USP28: variants seen among roughly 807,000 people sequenced by gnomAD.
USP28 encodes ubiquitin carboxyl-terminal hydrolase 28.
A neutral mutation model predicts 145.0 loss-of-function variants in USP28; 113 were observed. The observed-to-expected ratio is 0.78, with a 90% CI of 0.67 to 0.91. USP28 has a LOEUF of 0.91. Ranked by LOEUF, USP28 falls within the 40% of genes least tolerant of loss-of-function variation. The pLI, the probability that USP28 is intolerant of heterozygous loss-of-function variation, is 0.00. For missense variants in USP28, 1,201 were observed against 1,289.6 expected, an observed-to-expected ratio of 0.93 and a Z score of 1.05; for synonymous variants, 447 against 450.9, an observed-to-expected ratio of 0.99 and a Z score of 0.11.
Position 113,840,602 on chromosome 11 carries a change from A to G in USP28, c.530T>C (p.Ile177Thr), listed in dbSNP as rs146991041. Residue 177 changes from isoleucine (I) to threonine (T), a missense_variant, in exon 5 of 25, where the codon ATT becomes ACT. Coordinates refer to ENST00000003302, the Ensembl canonical transcript of USP28. ...TATCTCTTAAAAATATCATACCTGA[A>G]TAACAGCACTAAACCAACATGTATT... is the stretch of plus-strand genomic sequence containing the variant. 465 of 1,613,130 alleles carry G rather than the reference A, an allele frequency of 2.9e-4. 3 individuals are homozygous for G. Among genetic ancestry groups the G allele is most frequent in the Middle Eastern group, 1.2e-3 (7 of 6,082 alleles).
chr11:113,829,477 T>TA (rs1943738555), intron 9 of USP28, 132 bp from the exon 10 acceptor site: 1 of 1,055,792 alleles, frequency 9.5e-7, no homozygotes, highest in Non-Finnish European at 1.4e-6. Context: ...CTTACGCCTT[T>TA]ATAGCAACCT....
intron 12 of USP28, among the ~76,000 whole-genome samples, chr11:113,819,181 C>T (rs962315975): frequency 6.6e-6 from 1 of 150,996 alleles, no homozygotes; most frequent in Non-Finnish European, 1.5e-5. Context: ...GGCACGATCT[C>T]GGCTTACTGC....
chr11:113,865,357 AC>A (rs1385749707), intron 1 of USP28, among the ~76,000 whole-genome samples: 11 of 152,208 alleles, frequency 7.2e-5, no homozygotes, highest in Non-Finnish European at 1.3e-4. Context: ...TCAAATTCAC[AC>A]AGAATTTCAA....
chr11:113,807,134 G>A (rs188530177), intron 18 of USP28, among the ~76,000 whole-genome samples: 5 of 151,712 alleles, frequency 3.3e-5, no homozygotes, highest in Non-Finnish European at 5.9e-5. Flanking sequence ...GTGCAATGGC[G>A]TGATCTCAGC....
chr11:113,804,587 AG>A (rs1939604913), intron 21 of USP28, 85 bp downstream of exon 22: 2 of 1,207,596 alleles, frequency 1.7e-6, no homozygotes, highest in Admixed American at 2.1e-5. Flanking sequence ...AGTTTGTAAT[AG>A]CACAAAATTG....
At chr11:113,873,820 G>T (rs1949057626) in intron 1 of USP28, among the ~76,000 whole-genome samples, 1 of 152,134 alleles carries the variant, frequency 6.6e-6, no homozygotes, top group African/African-American at 2.4e-5. Context: ...CCCAGGACCT[G>T]GAAGTATCTT....
In USP28 at chr11:113,814,001, T is replaced by C. The variant is rs189369240; in HGVS notation, c.1673-46A>G. 186 of 1,430,808 alleles carry C rather than the reference T, an allele frequency of 1.3e-4. No homozygotes were observed. The African/African-American group carries it at 2.3e-3, about 17-fold the overall frequency. 88.6% of individuals were successfully genotyped at this position (1,430,808 alleles called of 1,614,324 possible). A position where few individuals can be genotyped will look rare whatever the true frequency, so the allele number is the denominator to read the frequency against. ...AAAAGCTTCACTAAAATGATCTCAT[T>C]CTATGTCACACAGGCTACTTTAACT... On this transcript the variant is annotated intron_variant, in intron 14 of 24. Coordinates refer to ENST00000003302, the Ensembl canonical transcript of USP28.
At chr11:113,854,838 T>C (rs1001150468) in intron 1 of USP28, among the ~76,000 whole-genome samples, 5 of 152,196 alleles carry the variant, frequency 3.3e-5, no homozygotes, top group Non-Finnish European at 7.3e-5. Flanking sequence ...ACGAAAGAAA[T>C]AGATGACAGT....
intron 17 of USP28, 77 bp downstream of exon 17, chr11:113,808,986 T>A: frequency 7.1e-6 from 10 of 1,412,220 alleles, no homozygotes; most frequent in Non-Finnish European, 9.7e-6. Context: ...CCTAGCCAGC[T>A]GAAGGGTATA....
At chr11:113,807,911 A>C in intron 18 of USP28, 40 bp downstream of exon 19, 1 of 997,166 alleles carries the variant, frequency 1.0e-6, no homozygotes, top group Non-Finnish European at 1.2e-6. Flanking sequence ...GAAATATAAG[A>C]CTGACAACAA....
chr11:113,853,301 CAAAAAAAAAAAA>C (rs35806711), intron 2 of USP28, among the ~76,000 whole-genome samples: 5 of 54,946 alleles, frequency 9.1e-5, no homozygotes, highest in Admixed American at 3.0e-4. Flanking sequence ...TCTCCTGTCT[CAAAAAAAAAAAA>C]AAAAAAAAAA....
At chr11:113,818,614 T>C (rs1249315091) in intron 12 of USP28, among the ~76,000 whole-genome samples, 1 of 152,164 alleles carries the variant, frequency 6.6e-6, no homozygotes, top group Non-Finnish European at 1.5e-5. Flanking sequence ...ATCCCAGTAC[T>C]TGGGGAGGCC....
chr11:113,826,689 G>T (rs1035467709), intron 11 of USP28, among the ~76,000 whole-genome samples: 1 of 151,956 alleles, frequency 6.6e-6, no homozygotes, highest in Non-Finnish European at 1.5e-5. Flanking sequence ...GGAGGCCAAG[G>T]CAGGCGGATC....
chr11:113,806,625 AG>A lies in USP28; in HGVS notation c.2305-42del, dbSNP rs1940018081. 2.9e-6 allele frequency: 4 copies of A among 1,398,760 alleles called. No homozygotes were observed. The Admixed American group carries it at 9.0e-5, about 31-fold the overall frequency. The allele number at this position is 1,398,760 out of a possible 1,614,324, so 86.6% of individuals were successfully genotyped here. The stretch of plus-strand genomic sequence containing the variant: ...ACAAAACACAGAGAGAAAGGAGAGA[AG>A]AAAGGTTCAGCAGAAGACTGTATGA... On this transcript the variant is annotated intron_variant, in intron 18 of 24. Transcript: ENST00000003302.
chr11:113,837,212 C>T (rs950489341), intron 5 of USP28, among the ~76,000 whole-genome samples: 2 of 152,228 alleles, frequency 1.3e-5, no homozygotes, highest in Non-Finnish European at 2.9e-5. Flanking sequence ...TTTTCTATCT[C>T]ACCTCATGAG....
intron 2 of USP28, 90 bp from the exon 3 acceptor site, chr11:113,852,723 A>G: frequency 7.1e-7 from 1 of 1,412,590 alleles, no homozygotes; most frequent in Non-Finnish European, 9.7e-7. Context: ...CTGGTGACAC[A>G]CTGAGTACTT....
intron 1 of USP28, among the ~76,000 whole-genome samples, chr11:113,872,272 G>A (rs1168046272): frequency 6.6e-6 from 1 of 152,156 alleles, no homozygotes; most frequent in Non-Finnish European, 1.5e-5. Context: ...GGATCATGAG[G>A]TCAGGAGATC....
In USP28 at chr11:113,862,737, G is replaced by A. The variant is rs530571313; in HGVS notation, c.58-8402C>T. On this transcript the variant is annotated intron_variant, in intron 1 of 24. Transcript: ENST00000003302. Reference sequence around the variant, plus strand: ...GAATGCCATTGCCAATAACATAAAAGGAAACCAAACAATGTGATATACCAC... The same window carrying A: ...GAATGCCATTGCCAATAACATAAAAAGAAACCAAACAATGTGATATACCAC... Among the ~76,000 whole-genome samples the A allele has an allele frequency of 2.6e-5, 4 of 151,958 alleles. No individual in the cohort carries two copies. In the East Asian group the frequency reaches 7.7e-4, roughly 29 times the overall value.
At chr11:113,827,188 C>T (rs778987703) in intron 11 of USP28, 45 bp downstream of exon 11, 6 of 1,581,540 alleles carry the variant, frequency 3.8e-6, no homozygotes, top group Admixed American at 3.8e-5. Context: ...CTCATCTCTA[C>T]TGCTGTAATA....
Sources: gnomAD v4.1 joint callset for allele counts (sites outside exome capture counted in the v4.1 genomes callset) on GRCh38, gnomAD v4.1.1 for gene constraint, MANE v1.5 for transcripts, NCBI Gene and HGNC (gene_info 2026-07-23, HGNC 2026-07-21) for gene names.